SND1: variants seen among roughly 807,000 people sequenced by gnomAD.
SND1 encodes the protein staphylococcal nuclease domain-containing protein 1.
A neutral mutation model predicts 121.7 loss-of-function variants in SND1; 38 were observed. That is an observed-to-expected ratio of 0.31 (90% CI 0.24 to 0.41). The LOEUF (loss-of-function observed/expected upper bound fraction) is 0.41. SND1 is among the 10% of genes least tolerant of loss of function. SND1 has a pLI of 1.00. For missense variants in SND1, 868 were observed against 1,184.6 expected (o/e 0.73, Z 3.92); for synonymous variants, 401 against 447.4 (o/e 0.90, Z 1.31).
chr7:127,971,530 G>A (rs1359731321), intron 15 of SND1, among the ~76,000 whole-genome samples: 2 of 152,130 alleles, frequency 1.3e-5, no homozygotes, highest in Admixed American at 1.3e-4. Context: ...TAATGAATCT[G>A]AAGAGTACAA....
intron 16 of SND1, among the ~76,000 whole-genome samples, chr7:128,065,196 G>A (rs907538572): frequency 6.6e-6 from 1 of 152,250 alleles, no homozygotes; most frequent in Admixed American, 6.5e-5. Flanking sequence ...GGAAGCAGAA[G>A]AGGTTGTGAT....
intron 16 of SND1, among the ~76,000 whole-genome samples, chr7:128,041,528 A>G (rs1412783045): frequency 6.6e-6 from 1 of 152,196 alleles, no homozygotes; most frequent in Non-Finnish European, 1.5e-5. Context: ...TCTGTCTGCA[A>G]ATGCTTCCAG....
intron 16 of SND1, chr7:128,030,625 G>T (rs1792560028): frequency 6.4e-7 from 1 of 1,560,474 alleles, no homozygotes; most frequent in Admixed American, 1.8e-5. Flanking sequence ...ACAGTTACCT[G>T]CCACAAGAGC....
intron 12 of SND1, among the ~76,000 whole-genome samples, chr7:127,864,867 TG>T (rs140790586): frequency 0.017 from 2,588 of 152,288 alleles, 93 homozygotes; most frequent in African/African-American, 0.059. Context: ...CTGGATTCTT[TG>T]GCAAGATTGG....
chr7:127,929,159 A>G (rs1469333504), intron 14 of SND1, 29 bp from the exon 15 acceptor site: 5 of 1,611,724 alleles, frequency 3.1e-6, no homozygotes, highest in Non-Finnish European at 3.4e-6. Context: ...ATTACTTTCC[A>G]GTTACTCTTT....
At chr7:128,048,332 G>A (rs534017081) in intron 16 of SND1, among the ~76,000 whole-genome samples, 10 of 150,138 alleles carry the variant, frequency 6.7e-5, no homozygotes, top group East Asian at 5.8e-4. Context: ...TGCTGACTAC[G>A]CTTTGCAGAC....
intron 12 of SND1, among the ~76,000 whole-genome samples, chr7:127,884,726 C>T (rs1799860929): frequency 6.6e-6 from 1 of 151,984 alleles, no homozygotes; most frequent in South Asian, 2.1e-4. Context: ...GAGTTTTCTC[C>T]AATTAATCTC....
chr7:127,975,428 T>C (rs1230289505), intron 15 of SND1, among the ~76,000 whole-genome samples: 1 of 17,050 alleles, frequency 5.9e-5, no homozygotes. Context: ...TCCCCTCGTG[T>C]GTGTGTGTGT....
chr7:127,918,040 G>C (rs1426617721), intron 14 of SND1, among the ~76,000 whole-genome samples: 1 of 146,548 alleles, frequency 6.8e-6, no homozygotes, highest in Non-Finnish European at 1.5e-5. Context: ...AAGCTTAATC[G>C]GCCATAGATT....
At chr7:127,759,473 T>G (rs1326758840) in intron 10 of SND1, among the ~76,000 whole-genome samples, 4 of 152,164 alleles carry the variant, frequency 2.6e-5, no homozygotes, top group Non-Finnish European at 5.9e-5. Context: ...TTTGATCCAT[T>G]TCTTGCTTTG....
intron 14 of SND1, among the ~76,000 whole-genome samples, chr7:127,918,391 C>A (rs1800631069): frequency 6.6e-6 from 1 of 151,984 alleles, no homozygotes; most frequent in African/African-American, 2.4e-5. Context: ...AGAAACAAAA[C>A]CTTAGGCATA....
intron 15 of SND1, among the ~76,000 whole-genome samples, chr7:127,977,786 A>G (rs1431505768): frequency 6.6e-6 from 1 of 152,202 alleles, no homozygotes; most frequent in Non-Finnish European, 1.5e-5. Context: ...TCAGAGGAAT[A>G]ACTATAGAAG....
intron 17 of SND1, among the ~76,000 whole-genome samples, chr7:128,078,550 G>A (rs1008584347): frequency 2.0e-5 from 3 of 152,180 alleles, no homozygotes; most frequent in Non-Finnish European, 4.4e-5. Context: ...TAGTGCTGGG[G>A]GCTGAGGGCC....
intron 17 of SND1, among the ~76,000 whole-genome samples, chr7:128,079,531 G>A (rs566957582): frequency 6.6e-6 from 1 of 152,350 alleles, no homozygotes; most frequent in Non-Finnish European, 1.5e-5. Flanking sequence ...CCATACCAGG[G>A]GCCCACAAGC....
intron 1 of SND1, among the ~76,000 whole-genome samples, chr7:127,682,893 A>G (rs1205178853): frequency 3.3e-5 from 5 of 152,240 alleles, no homozygotes; most frequent in African/African-American, 1.2e-4. Context: ...CAAGGAATAA[A>G]ATTATAACAA....
intron 8 of SND1, 65 bp from the exon 9 acceptor site, chr7:127,707,492 C>A: frequency 7.6e-7 from 1 of 1,311,654 alleles, no homozygotes; most frequent in Non-Finnish European, 1.1e-6. Flanking sequence ...CAACTGTGCT[C>A]CCATGGTAGT....
At chr7:127,676,797 A>G (rs1328976054) in intron 1 of SND1, among the ~76,000 whole-genome samples, 1 of 152,228 alleles carries the variant, frequency 6.6e-6, no homozygotes, top group Non-Finnish European at 1.5e-5. Context: ...CCTGAAGTGC[A>G]ATGGCCTGAT....
intron 15 of SND1, among the ~76,000 whole-genome samples, chr7:127,962,616 A>G (rs10487503): frequency 0.08 from 12,205 of 152,194 alleles, 1,530 homozygotes; most frequent in African/African-American, 0.26. Flanking sequence ...TATAAATCTG[A>G]AAGGTTAGGT....
At chr7:127,914,583 A>G (rs544380503) in intron 14 of SND1, among the ~76,000 whole-genome samples, 6 of 152,198 alleles carry the variant, frequency 3.9e-5, no homozygotes, top group Non-Finnish European at 8.8e-5. Flanking sequence ...ATCTCATTAT[A>G]GTGCCCAGTT....
Sources: gnomAD v4.1 joint callset for allele counts (sites outside exome capture counted in the v4.1 genomes callset) on GRCh38, gnomAD v4.1.1 for gene constraint, MANE v1.5 for transcripts, NCBI Gene and HGNC (gene_info 2026-07-23, HGNC 2026-07-21) for gene names.